Variants in TMEM273 observed in about 807,000 individuals in gnomAD.
TMEM273 encodes the protein transmembrane protein 273, also known as chromosome 10 open reading frame 128.
TMEM273 carries 19 observed loss-of-function variants against 17.9 expected under a neutral mutation model. That is an observed-to-expected ratio of 1.06 (90% CI 0.74 to 1.55). The LOEUF is 1.55. Among genes scored for constraint, TMEM273 ranks in the 40% most tolerant of loss-of-function variants. The pLI is 0.00. For missense variants in TMEM273, 194 were observed against 155.6 expected (o/e 1.25, Z -1.31); for synonymous variants, 66 against 62.0 (o/e 1.07, Z -0.31).
At chr10:49,179,610 T>G (rs1392707231) in intron 1 of TMEM273, among the ~76,000 whole-genome samples, 1 of 152,168 alleles carries the variant, frequency 6.6e-6, no homozygotes, top group East Asian at 1.9e-4. Context: ...AATATTATAT[T>G]AAAAAAACAA....
intron 4 of TMEM273, 22 bp from the exon 5 acceptor site, chr10:49,165,305 A>G (rs1846102171): frequency 6.4e-7 from 1 of 1,550,516 alleles, no homozygotes; most frequent in Non-Finnish European, 8.7e-7. Context: ...CATTCCAATT[A>G]CAGAAAACAG....
chr10:49,164,256 T>G (rs995735015), intron 5 of TMEM273, among the ~76,000 whole-genome samples: 8 of 152,190 alleles, frequency 5.3e-5, no homozygotes, highest in Non-Finnish European at 8.8e-5. Flanking sequence ...TCTGAGCTGT[T>G]CTAGATTCTT....
At chr10:49,186,068 G>GGAAGAAGAAGAAGAATAAGAAGAATAA (rs1847670081) in intron 1 of TMEM273, among the ~76,000 whole-genome samples, 1 of 67,090 alleles carries the variant, frequency 1.5e-5, no homozygotes, top group African/African-American at 5.1e-5. Flanking sequence ...AAGAAGAAGA[G>GGAAGAAGAAGAAGAATAAGAAGAATAA]GAAGAAGAAG....
rs903386016 is a variant in TMEM273 at position 49,161,171 on chromosome 10, C to T, written c.372+428G>A. On this transcript the variant is annotated intron_variant, in intron 6 of 6. Coordinates refer to ENST00000374153, the MANE Select transcript of TMEM273 (RefSeq NM_001288740.3). ...CTCCACATACAGGCTTCGTCCTCTC[C>T]GAGACCCCAAAGCAGCACTGAGATG... The T allele has an allele frequency of 2.6e-5, 5 of 189,950 alleles. No homozygotes were observed. The South Asian group carries it at 3.5e-4, about 13-fold the overall frequency. The allele number at this position is 189,950 out of a possible 1,614,324, so 11.8% of individuals were successfully genotyped here.
At position 49,167,832 on chromosome 10, in the gene TMEM273, G is replaced by A. The variant is rs1328885366; in HGVS notation, c.97+77C>T. 2.6e-6 allele frequency: 4 copies of A among 1,566,812 alleles called. No individual in the cohort carries two copies. The African/African-American group carries it at 5.4e-5, about 21-fold the overall frequency. On this transcript the variant is annotated intron_variant, in intron 2 of 6. Coordinates refer to ENST00000374153, the MANE Select transcript of TMEM273 (RefSeq NM_001288740.3). ...GCAGGGAACCAATTCCAGCACTGCG[G>A]CCCTCTGCTTGCTTGTCTTGGGAGC... is the stretch of plus-strand genomic sequence containing the variant.
At chr10:49,164,069 C>A (rs761440099) in intron 5 of TMEM273, among the ~76,000 whole-genome samples, 2 of 152,158 alleles carry the variant, frequency 1.3e-5, no homozygotes, top group Admixed American at 6.5e-5. Context: ...AAGCCACTAA[C>A]CCTGTGTCAA....
chr10:49,187,307 C>G (rs1174470147), intron 1 of TMEM273, among the ~76,000 whole-genome samples: 1 of 152,178 alleles, frequency 6.6e-6, no homozygotes, highest in East Asian at 1.9e-4. Flanking sequence ...TGCTGACTCC[C>G]AAGGCCAAAG....
At chr10:49,163,136 G>A (rs1354208194) in intron 5 of TMEM273, among the ~76,000 whole-genome samples, 1 of 152,180 alleles carries the variant, frequency 6.6e-6, no homozygotes, top group East Asian at 1.9e-4. Flanking sequence ...TTAGGGCGGG[G>A]GGAAGGGAGG....
intron 6 of TMEM273, among the ~76,000 whole-genome samples, chr10:49,159,149 C>A (rs1390748225): frequency 6.6e-6 from 1 of 151,346 alleles, no homozygotes; most frequent in Non-Finnish European, 1.5e-5. Context: ...ACATGACACA[C>A]GATTCAGAGA....
intron 1 of TMEM273, among the ~76,000 whole-genome samples, chr10:49,168,650 G>A (rs1314771531): frequency 7.2e-6 from 1 of 138,156 alleles, no homozygotes; most frequent in Non-Finnish European, 1.5e-5. Context: ...ATAGACATTG[G>A]TGAATGGAAG....
At chr10:49,166,110 T>C (rs551229317) in intron 3 of TMEM273, among the ~76,000 whole-genome samples, 3 of 152,266 alleles carry the variant, frequency 2.0e-5, no homozygotes, top group African/African-American at 7.2e-5. Flanking sequence ...TCACGGATCA[T>C]AATCACGTCT....
At chr10:49,171,775 G>A (rs2132196065) in intron 1 of TMEM273, among the ~76,000 whole-genome samples, 1 of 152,346 alleles carries the variant, frequency 6.6e-6, no homozygotes, top group South Asian at 2.1e-4. Context: ...TACACAAGCT[G>A]AGATGAGTTA....
At chr10:49,163,073 T>C (rs1398774609) in intron 5 of TMEM273, among the ~76,000 whole-genome samples, 4 of 151,578 alleles carry the variant, frequency 2.6e-5, no homozygotes, top group African/African-American at 9.7e-5. Flanking sequence ...CCTGTGATTG[T>C]GCCAACCCCC....
intron 1 of TMEM273, among the ~76,000 whole-genome samples, chr10:49,181,710 G>C (rs940333826): frequency 7.2e-5 from 11 of 152,016 alleles, no homozygotes; most frequent in African/African-American, 2.7e-4. Flanking sequence ...GCTCAAAATT[G>C]ATCATAGATT....
chr10:49,176,741 A>G (rs1036841630), intron 1 of TMEM273, among the ~76,000 whole-genome samples: 3 of 152,084 alleles, frequency 2.0e-5, no homozygotes, highest in African/African-American at 7.2e-5. Flanking sequence ...CTGCAGAGGA[A>G]ACGGCAGCAC....
Position 49,186,017 on chromosome 10 carries a change from GGAAGAAGAAGAAGAAGAAAAAGAAGAA to G in TMEM273, c.43+2250_43+2276del, listed in dbSNP as rs1564651651. ...AGGAGGAGGAAGAGGAGGAGGAGGA[GGAAGAAGAAGAAGAAGAAAAAGAAGAA>G]GAAGAAGAGGAAGAAGAAGAAGAGG... On this transcript the variant is annotated intron_variant, in intron 1 of 6. Coordinates refer to ENST00000374153, the MANE Select transcript of TMEM273 (RefSeq NM_001288740.3). Among the ~76,000 whole-genome samples, 446 of 78,750 alleles carry G rather than the reference GGAAGAAGAAGAAGAAGAAAAAGAAGAA, an allele frequency of 5.7e-3. 1 individual carries two copies. The highest frequency in any genetic ancestry group is 0.018 in the Middle Eastern group (3 of 168). The allele number at this position is 78,750 out of a possible 152,430, so 51.7% of individuals were successfully genotyped here.
intron 1 of TMEM273, among the ~76,000 whole-genome samples, chr10:49,181,936 A>G (rs1165427233): frequency 6.6e-6 from 1 of 152,248 alleles, no homozygotes; most frequent in Non-Finnish European, 1.5e-5. Flanking sequence ...CACTCCACAT[A>G]TTTGACAAAG....
intron 6 of TMEM273, 59 bp from the exon 7 acceptor site, chr10:49,155,968 T>C: frequency 6.2e-7 from 1 of 1,613,234 alleles, no homozygotes; most frequent in South Asian, 1.1e-5. Flanking sequence ...ACTCTAATGA[T>C]TGCATGTGTT....
chr10:49,155,462 C>A lies in TMEM273; in HGVS notation c.*430G>T, dbSNP rs540411711. 2.5e-5 allele frequency: 5 copies of A among 196,950 alleles called. No individual in the cohort carries two copies. Among genetic ancestry groups the A allele is most frequent in the South Asian group, 1.1e-4 (1 of 9,388 alleles). The allele number at this position is 196,950 out of a possible 1,614,324, so 12.2% of individuals were successfully genotyped here. A position where few individuals can be genotyped will look rare whatever the true frequency, so the allele number is the denominator to read the frequency against. Reference sequence around the variant, plus strand: ...TGGCAGCTAAGAGGGTGAAGCTAATCGTTCTACAAAGTAGTGCCTAACTGT... The same window carrying A: ...TGGCAGCTAAGAGGGTGAAGCTAATAGTTCTACAAAGTAGTGCCTAACTGT... On this transcript the variant is annotated 3_prime_UTR_variant, in exon 7 of 7. Transcript: ENST00000374153.
Sources: gnomAD v4.1 joint callset for allele counts (sites outside exome capture counted in the v4.1 genomes callset) on GRCh38, gnomAD v4.1.1 for gene constraint, MANE v1.5 for transcripts, NCBI Gene and HGNC (gene_info 2026-07-23, HGNC 2026-07-21) for gene names.